The following TENM3 variants were observed in gnomAD, a reference collection of about 807,000 sequenced individuals.
TENM3 encodes the protein teneurin transmembrane protein 3.
In TENM3, 63 loss-of-function variants were observed where a neutral mutation model predicts 255.1. The observed-to-expected ratio is 0.25, with a 90% confidence interval of 0.20 to 0.30. The LOEUF is 0.30. Ranked by LOEUF, TENM3 falls within the 10% of genes least tolerant of loss-of-function variation. The pLI is 1.00. For missense variants in TENM3, 2,929 were observed against 3,461.1 expected, an observed-to-expected ratio of 0.85 and a Z score of 3.86; for synonymous variants, 1,306 against 1,322.3, an observed-to-expected ratio of 0.99 and a Z score of 0.27.
intron 3 of TENM3, among the ~76,000 whole-genome samples, chr4:182,462,252 C>A (rs1310338904): frequency 6.6e-6 from 1 of 151,948 alleles, no homozygotes; most frequent in Admixed American, 6.6e-5. Flanking sequence ...AAGACTGAGT[C>A]TCGCTACGTT....
rs530922647 is a variant in TENM3 at position 182,742,895 on chromosome 4, G to A, written c.3380-275G>A. 7.9e-5 allele frequency among the ~76,000 whole-genome samples: 12 copies of A among 152,254 alleles called. No individual in the cohort carries two copies. In the East Asian group the frequency reaches 1.4e-3, roughly 17 times the overall value. ...CTGATCATCACTGATGTTGAGAATT[G>A]GGGTTTTAATTCTTCTCAGGCTTTT... On this transcript the variant is annotated intron_variant, in intron 18 of 27. Transcript: ENST00000511685.
chr4:182,173,505 A>G (rs757442777), intron 1 of TENM3, among the ~76,000 whole-genome samples: 7 of 152,212 alleles, frequency 4.6e-5, no homozygotes, highest in Non-Finnish European at 8.8e-5. Context: ...CAATAAAAAG[A>G]TGAGGAATGG....
the TENM3 span, among the ~76,000 whole-genome samples, chr4:181,786,387 G>A: frequency 1.3e-5 from 2 of 152,174 alleles, no homozygotes; most frequent in Non-Finnish European, 2.9e-5. Flanking sequence ...CAAAATATGA[G>A]CTCAGAGGGG....
chr4:181,456,719 G>A, the TENM3 span, among the ~76,000 whole-genome samples: 1 of 151,780 alleles, frequency 6.6e-6, no homozygotes, highest in Non-Finnish European at 1.5e-5. Context: ...ATTTAAAAAT[G>A]TGTAAAACAG....
the TENM3 span, among the ~76,000 whole-genome samples, chr4:181,870,786 A>G: frequency 6.6e-6 from 1 of 152,030 alleles, no homozygotes; most frequent in Non-Finnish European, 1.5e-5. Flanking sequence ...ATGCCTTATG[A>G]TAAATAGGCT....
chr4:181,502,299 T>C, the TENM3 span, among the ~76,000 whole-genome samples: 1 of 152,154 alleles, frequency 6.6e-6, no homozygotes, highest in African/African-American at 2.4e-5. Context: ...GGTTCATCCA[T>C]TGTAGCACAT....
At chr4:182,268,984 C>T (rs1006884222) in intron 1 of TENM3, among the ~76,000 whole-genome samples, 4 of 152,112 alleles carry the variant, frequency 2.6e-5, no homozygotes, top group Non-Finnish European at 5.9e-5. Flanking sequence ...CAAGAACTCT[C>T]TCTTGGGATC....
chr4:182,368,183 C>T (rs910803277), intron 3 of TENM3, among the ~76,000 whole-genome samples: 2 of 152,136 alleles, frequency 1.3e-5, no homozygotes, highest in African/African-American at 4.8e-5. Context: ...TCACCACAGC[C>T]GTAATGAGGG....
the TENM3 span, among the ~76,000 whole-genome samples, chr4:181,586,863 C>T: frequency 3.3e-3 from 502 of 150,506 alleles, 5 homozygotes; most frequent in African/African-American, 0.012. Context: ...AACAAACAAA[C>T]AAACAAACAA....
At chr4:182,153,789 A>G (rs1203984377) in intron 1 of TENM3, among the ~76,000 whole-genome samples, 1 of 152,172 alleles carries the variant, frequency 6.6e-6, no homozygotes, top group Non-Finnish European at 1.5e-5. Context: ...TTGAGCTATC[A>G]GCAAAGGACA....
intron 5 of TENM3, among the ~76,000 whole-genome samples, chr4:182,639,386 A>G (rs1159918708): frequency 6.6e-6 from 1 of 152,214 alleles, no homozygotes; most frequent in Non-Finnish European, 1.5e-5. Flanking sequence ...GGAAAATTGA[A>G]TAATGTGCCT....
At chr4:182,238,253 A>C (rs138863722) in intron 1 of TENM3, among the ~76,000 whole-genome samples, 1 of 152,314 alleles carries the variant, frequency 6.6e-6, no homozygotes, top group East Asian at 1.9e-4. Context: ...ACTGTCTATC[A>C]AAATGACTTC....
At chr4:182,504,215 T>C (rs531314384) in intron 3 of TENM3, among the ~76,000 whole-genome samples, 1 of 152,010 alleles carries the variant, frequency 6.6e-6, no homozygotes, top group Admixed American at 6.6e-5. Context: ...AAATCACTCA[T>C]CCCCTGATGA....
chr4:182,260,370 T>G (rs1207062405), intron 1 of TENM3, among the ~76,000 whole-genome samples: 1 of 152,218 alleles, frequency 6.6e-6, no homozygotes, highest in African/African-American at 2.4e-5. Context: ...TGTATGAAGG[T>G]TCTCCTAAGA....
the TENM3 span, among the ~76,000 whole-genome samples, chr4:181,607,624 C>T: frequency 1.3e-5 from 2 of 151,888 alleles, no homozygotes; most frequent in African/African-American, 2.4e-5. Flanking sequence ...AGGATGGTCT[C>T]GATCTCCTGA....
the TENM3 span, among the ~76,000 whole-genome samples, chr4:181,663,969 G>A: frequency 6.6e-6 from 1 of 152,126 alleles, no homozygotes; most frequent in African/African-American, 2.4e-5. Context: ...TCAGTTGTCA[G>A]GTATATGGCA....
the TENM3 span, among the ~76,000 whole-genome samples, chr4:181,460,934 T>G: frequency 1.3e-5 from 2 of 151,984 alleles, no homozygotes; most frequent in African/African-American, 4.8e-5. Flanking sequence ...TTTTTAAGTT[T>G]ATTTTCTATT....
intron 3 of TENM3, among the ~76,000 whole-genome samples, chr4:182,525,990 GT>G (rs911852856): frequency 2.6e-5 from 4 of 151,722 alleles, no homozygotes; most frequent in African/African-American, 9.7e-5. Flanking sequence ...TTTTGTTTTT[GT>G]TTTTTTGAGA....
the TENM3 span, among the ~76,000 whole-genome samples, chr4:182,028,363 C>T: frequency 6.6e-6 from 1 of 151,950 alleles, no homozygotes; most frequent in African/African-American, 2.4e-5. Context: ...CTCTGTTTTT[C>T]TTAGTCTGGA....
Sources: allele counts gnomAD v4.1 joint callset (sites outside exome capture counted in the v4.1 genomes callset), GRCh38; gene constraint gnomAD v4.1.1; transcripts MANE v1.5; gene names NCBI Gene and HGNC (gene_info 2026-07-23, HGNC 2026-07-21).